The following AP1M2 variants were observed in gnomAD, a reference collection of about 807,000 sequenced individuals.
AP1M2 encodes the protein AP-1 complex subunit mu-2.
A neutral mutation model predicts 54.6 loss-of-function variants in AP1M2; 41 were observed. The ratio of observed to expected loss-of-function variants is 0.75; its 90% confidence interval spans 0.59 to 0.97. The LOEUF is 0.97. AP1M2 is among the 50% of genes least tolerant of loss of function. The pLI, the probability that AP1M2 is intolerant of heterozygous loss-of-function variation, is 0.00. For missense variants in AP1M2, 507 were observed against 561.2 expected (o/e 0.90, Z 0.98); for synonymous variants, 219 against 215.9 (o/e 1.01, Z -0.13).
Position 10,581,118 on chromosome 19 carries a change from A to G in AP1M2, c.673+148T>C, listed in dbSNP as rs1338897984. 3.4e-5 allele frequency: 40 copies of G among 1,188,862 alleles called. 1 individual carries two copies. The South Asian group carries it at 6.8e-4, about 20-fold the overall frequency. The allele number at this position is 1,188,862 out of a possible 1,614,324, so 73.6% of individuals were successfully genotyped here. A position where few individuals can be genotyped will look rare whatever the true frequency, so the allele number is the denominator to read the frequency against. On this transcript the variant is annotated intron_variant, in intron 6 of 11. Transcript: ENST00000250244. ...CAATCATGAAACAGCCTTTGCAGTC[A>G]GCCAATGGCTGCAATACTGGCCGTG... is the stretch of plus-strand genomic sequence containing the variant.
At position 10,574,327 on chromosome 19, in the gene AP1M2, G is replaced by A. The variant is rs945683474; in HGVS notation, c.1249+90C>T. 7 of 1,141,056 alleles carry A rather than the reference G, an allele frequency of 6.1e-6. No individual in the cohort carries two copies. The Admixed American group carries it at 1.6e-4, about 26-fold the overall frequency. The allele number at this position is 1,141,056 out of a possible 1,614,324, so 70.7% of individuals were successfully genotyped here. On this transcript the variant is annotated intron_variant, in intron 11 of 11. Transcript: ENST00000250244. ...GAACCATCACACCTGACCCTTGTTG[G>A]TTTTCTGAGCCAGAATGTGGTGAAA...
intron 5 of AP1M2, 37 bp downstream of exon 5, chr19:10,581,450 G>A: frequency 6.2e-7 from 1 of 1,611,204 alleles, no homozygotes; most frequent in Non-Finnish European, 8.5e-7. Context: ...CTGCAGCCAG[G>A]CCGTGGAAGG....
At chr19:10,579,225 G>A (rs1917353650) in intron 7 of AP1M2, among the ~76,000 whole-genome samples, 1 of 151,642 alleles carries the variant, frequency 6.6e-6, no homozygotes, top group Admixed American at 6.6e-5. Flanking sequence ...GACCATCCTG[G>A]CTAACACGGC....
At chr19:10,577,028 A>T (rs1209753985) in intron 9 of AP1M2, among the ~76,000 whole-genome samples, 170 bp downstream of exon 9, 1 of 151,866 alleles carries the variant, frequency 6.6e-6, no homozygotes, top group Non-Finnish European at 1.5e-5. Flanking sequence ...CCTGGGTTCA[A>T]GCGATCTGCC....
intron 1 of AP1M2, among the ~76,000 whole-genome samples, chr19:10,585,304 AAAG>A (rs1165695287): frequency 6.8e-6 from 1 of 146,138 alleles, no homozygotes; most frequent in Non-Finnish European, 1.5e-5. Flanking sequence ...AGAAAGAAAG[AAAG>A]AAAGAAAGAA....
chr19:10,587,272 G>C lies in AP1M2; in HGVS notation c.-41C>G, dbSNP rs1039831537. Reference sequence around the variant, plus strand: ...ACTTAGGAGTCGGGGAGGGAGCGCCGGGAGGCGATGGCGGCGCCGCTTCCT... The same window carrying C: ...ACTTAGGAGTCGGGGAGGGAGCGCCCGGAGGCGATGGCGGCGCCGCTTCCT... On this transcript the variant is annotated 5_prime_UTR_variant, in exon 1 of 12. Transcript: ENST00000250244. 1 of 1,554,756 alleles carries C rather than the reference G, an allele frequency of 6.4e-7. No individual in the cohort carries two copies. Among genetic ancestry groups the C allele is most frequent in the Non-Finnish European group, 8.7e-7 (1 of 1,148,974 alleles).
Position 10,574,445 on chromosome 19 carries a change from G to T in AP1M2, c.1221C>A (p.Pro407=). The T allele has an allele frequency of 6.4e-7, 1 of 1,562,566 alleles. No homozygotes were observed. The highest frequency in any genetic ancestry group is 2.4e-5 in the East Asian group (1 of 42,126). ...IIEKSGYQAL[P]WVRYITQSGD... ...CACTCTGGGTGATGTAGCGAACCCA[G>T]GGCAGGGCCTGGTAACCACTTTTCT... The change falls in exon 11 of 12, where the codon CCC becomes CCA. Residue 407 remains proline, a synonymous_variant. Transcript: ENST00000250244.
intron 1 of AP1M2, among the ~76,000 whole-genome samples, chr19:10,585,623 G>A (rs1917634655): frequency 2.0e-5 from 3 of 152,014 alleles, no homozygotes; most frequent in African/African-American, 7.3e-5. Context: ...CTTGAACCCA[G>A]GAGGTGAAGG....
intron 7 of AP1M2, among the ~76,000 whole-genome samples, chr19:10,579,411 G>A (rs376640224): frequency 3.9e-5 from 6 of 152,056 alleles, no homozygotes; most frequent in South Asian, 2.1e-4. Context: ...GCCAGACTCC[G>A]TCTCAAAAAA....
Position 10,573,062 on chromosome 19 carries a change from C to A in AP1M2, c.*4G>T. Reference sequence around the variant, plus strand: ...CGTGTTCAAGCCCCCATCTCTTCTCCCTTCTAGCTGGTACGAAGTTGGTAA... The same window carrying A: ...CGTGTTCAAGCCCCCATCTCTTCTCACTTCTAGCTGGTACGAAGTTGGTAA... On this transcript the variant is annotated 3_prime_UTR_variant, in exon 12 of 12. Transcript: ENST00000250244. The A allele has an allele frequency of 6.4e-7, 1 of 1,563,982 alleles. No homozygotes were observed. Among genetic ancestry groups the A allele is most frequent in the Non-Finnish European group, 8.7e-7 (1 of 1,154,066 alleles).
chr19:10,582,970 C>G (rs1428263318), intron 3 of AP1M2, among the ~76,000 whole-genome samples: 2 of 151,450 alleles, frequency 1.3e-5, no homozygotes, highest in African/African-American at 4.8e-5. Context: ...GGATTACAGG[C>G]AGGTGCCACC....
At chr19:10,579,359 T>C (rs1196304485) in intron 7 of AP1M2, among the ~76,000 whole-genome samples, 1 of 152,100 alleles carries the variant, frequency 6.6e-6, no homozygotes, top group Non-Finnish European at 1.5e-5. Flanking sequence ...GAGCTTGCAG[T>C]GAGCCGAGAT....
At chr19:10,575,963 C>T (rs11671250) in intron 9 of AP1M2, among the ~76,000 whole-genome samples, 9,368 of 146,572 alleles carry the variant, frequency 0.064, 323 homozygotes, top group Middle Eastern at 0.13. Flanking sequence ...TTAGTAGAGA[C>T]GGGGTTTCAC....
Position 10,583,989 on chromosome 19 carries a change from C to T in AP1M2, c.124G>A (p.Glu42Lys), listed in dbSNP as rs1230025975. 1.9e-6 allele frequency: 3 copies of T among 1,607,158 alleles called. No individual in the cohort carries two copies. Among genetic ancestry groups the T allele is most frequent in the African/African-American group, 1.3e-5 (1 of 74,852 alleles). The change falls in exon 2 of 12, where the codon GAG becomes AAG. Residue 42 changes from glutamate (E) to lysine (K), a missense_variant. Coordinates refer to ENST00000250244, the MANE Select transcript of AP1M2 (RefSeq NM_005498.5). The part of the protein sequence containing the change: ...HFMPLLVQRE[E>K]EGALAPLLSH... ...AGCAGCGGGGCCAGGGCGCCTTCCT[C>T]CTCCCGCTGTACCAGCAAAGGCATG...
intron 8 of AP1M2, 83 bp downstream of exon 8, chr19:10,578,808 TC>T: frequency 1.8e-6 from 2 of 1,123,328 alleles, no homozygotes; most frequent in Non-Finnish European, 2.6e-6. Context: ...CACCCCGGCC[TC>T]CCAAAGTGCT....
chr19:10,581,903 C>T (rs369982695), intron 3 of AP1M2, 25 bp from the exon 4 acceptor site: 1 of 1,561,170 alleles, frequency 6.4e-7, no homozygotes, highest in Non-Finnish European at 8.7e-7. Context: ...AGAGAGAGAC[C>T]CACAAAAGTG....
In AP1M2 at chr19:10,578,901, G is replaced by T; in HGVS notation, c.879C>A (p.Ile293=). 1 of 1,607,576 alleles carries T rather than the reference G, an allele frequency of 6.2e-7. No individual in the cohort carries two copies. Among genetic ancestry groups the T allele is most frequent in the Non-Finnish European group, 8.5e-7 (1 of 1,177,080 alleles). ...IEKFSHSRVE[I]MVKAKGQFKK... is the part of the protein sequence containing the mutation. ...TTCCCCCAAGGCCCACCTTGACCAT[G>T]ATCTCCACGCGGCTGTGGGAGAACT... is the stretch of plus-strand genomic sequence containing the variant. Residue 293 remains isoleucine, a synonymous_variant, in exon 8 of 12, where the codon ATC becomes ATA. Transcript: ENST00000250244.
At chr19:10,576,066 G>T (rs1474708730) in intron 9 of AP1M2, among the ~76,000 whole-genome samples, 1 of 146,136 alleles carries the variant, frequency 6.8e-6, no homozygotes, top group East Asian at 2.1e-4. Context: ...GAGCCACTGC[G>T]CCTGGCCTTG....
intron 3 of AP1M2, 88 bp from the exon 4 acceptor site, chr19:10,581,966 G>A (rs1415986596): frequency 1.1e-5 from 15 of 1,409,694 alleles, no homozygotes; most frequent in Non-Finnish European, 1.4e-5. Flanking sequence ...CACCTTGGGA[G>A]GCCAAGGCAC....
Sources: gnomAD v4.1 joint callset for allele counts (sites outside exome capture counted in the v4.1 genomes callset) on GRCh38, gnomAD v4.1.1 for gene constraint, MANE v1.5 for transcripts, NCBI Gene and HGNC (gene_info 2026-07-23, HGNC 2026-07-21) for gene names.